SLC29A3: variants seen among roughly 807,000 people sequenced by gnomAD.
SLC29A3 encodes equilibrative nucleoside transporter 3.
In SLC29A3, 18 loss-of-function variants were observed where a neutral mutation model predicts 25.4. The ratio of observed to expected loss-of-function variants is 0.71; its 90% CI spans 0.49 to 1.05. SLC29A3 has a LOEUF of 1.05. Ranked by LOEUF, SLC29A3 falls within the 50% of genes least tolerant of loss-of-function variation. The pLI is 0.00. For synonymous variants in SLC29A3, 258 were observed against 267.1 expected, an observed-to-expected ratio of 0.97 and a Z score of 0.33; for missense variants, 586 against 609.0, an observed-to-expected ratio of 0.96 and a Z score of 0.40.
intron 2 of SLC29A3, among the ~76,000 whole-genome samples, chr10:71,332,177 C>A (rs1247048365): frequency 1.0e-5 from 1 of 95,368 alleles, no homozygotes; most frequent in African/African-American, 4.2e-5. Context: ...GAGACACATT[C>A]TTATTGTATC....
chr10:71,360,523 G>A (rs1297277755), intron 5 of SLC29A3, among the ~76,000 whole-genome samples: 5 of 152,214 alleles, frequency 3.3e-5, no homozygotes, highest in African/African-American at 1.2e-4. Context: ...GAACTAAACA[G>A]GTGCCTCTGG....
chr10:71,353,700 C>A (rs988330054), intron 4 of SLC29A3, among the ~76,000 whole-genome samples: 2 of 152,222 alleles, frequency 1.3e-5, no homozygotes, highest in African/African-American at 4.8e-5. Flanking sequence ...GGCCACAAGA[C>A]CACCTCGCCA....
chr10:71,325,563 C>A (rs529989553), intron 2 of SLC29A3, among the ~76,000 whole-genome samples: 1 of 152,332 alleles, frequency 6.6e-6, no homozygotes, highest in African/African-American at 2.4e-5. Flanking sequence ...CTCAACTCCC[C>A]CCATGATCTG....
chr10:71,357,910 A>G (rs1410102095), intron 5 of SLC29A3, among the ~76,000 whole-genome samples: 2 of 152,252 alleles, frequency 1.3e-5, no homozygotes, highest in African/African-American at 4.8e-5. Context: ...GTGAAGTGCC[A>G]GGTGCGTTAG....
chr10:71,366,671 C>T (rs554292258), downstream of SLC29A3, among the ~76,000 whole-genome samples: 95 of 152,308 alleles, frequency 6.2e-4, no homozygotes, highest in African/African-American at 2.0e-3. Context: ...GAGAAGACTT[C>T]GGCCTCTTCA....
chr10:71,338,497 C>T (rs932949305), intron 2 of SLC29A3, among the ~76,000 whole-genome samples: 2 of 152,162 alleles, frequency 1.3e-5, no homozygotes, highest in Admixed American at 6.5e-5. Flanking sequence ...TGGCTCAGCA[C>T]CTGTAATCCC....
At chr10:71,335,939 G>A (rs573531344) in intron 2 of SLC29A3, among the ~76,000 whole-genome samples, 1 of 152,266 alleles carries the variant, frequency 6.6e-6, no homozygotes, top group African/African-American at 2.4e-5. Flanking sequence ...GCCAGAGGTG[G>A]ACAGAGATGA....
At chr10:71,368,799 C>T (rs552239448) in intron 3 of SLC29A3, among the ~76,000 whole-genome samples, 1 of 152,320 alleles carries the variant, frequency 6.6e-6, no homozygotes, top group African/African-American at 2.4e-5. Flanking sequence ...TACTTCCTGG[C>T]TGTGTGACTG....
Position 71,322,810 on chromosome 10 carries a change from C to A in SLC29A3, c.56C>A (p.Thr19Asn), listed in dbSNP as rs1554814048. Residue 19 changes from threonine (T) to asparagine (N), a missense_variant, in exon 2 of 6, where the codon ACC (threonine) becomes AAC (asparagine). Physicochemically the swap from Thr to Asn is moderately conservative, Grantham distance 65. Transcript: ENST00000373189. ...CACAGTTCAAACTCCACCTACAGAACCACAAGCAGCAGTCTCCGAGCTGAC... is the reference window on the plus strand; with the variant it reads ...CACAGTTCAAACTCCACCTACAGAAACACAAGCAGCAGTCTCCGAGCTGAC... ...FQHSSNSTYR[T>N]TSSSLRADQE... The A allele has an allele frequency of 6.2e-7, 1 of 1,614,196 alleles. No individual in the cohort carries two copies. Among genetic ancestry groups the A allele is most frequent in the Non-Finnish European group, 8.5e-7 (1 of 1,180,038 alleles).
intron 5 of SLC29A3, among the ~76,000 whole-genome samples, chr10:71,358,980 G>A (rs1257685432): frequency 3.3e-5 from 5 of 152,066 alleles, no homozygotes; most frequent in Non-Finnish European, 7.4e-5. Context: ...GCACAATCAC[G>A]GCTCACGGCA....
chr10:71,346,312 C>A (rs567927513), intron 3 of SLC29A3, among the ~76,000 whole-genome samples: 17 of 152,164 alleles, frequency 1.1e-4, no homozygotes, highest in Non-Finnish European at 2.2e-4. Flanking sequence ...TTAACCCTCA[C>A]GGCAGCCTAA....
intron 2 of SLC29A3, among the ~76,000 whole-genome samples, chr10:71,329,267 G>A (rs575973749): frequency 9.2e-5 from 14 of 152,138 alleles, no homozygotes; most frequent in Admixed American, 5.2e-4. Context: ...ACCTTGGCAC[G>A]CTCAGCCCTG....
Position 71,362,374 on chromosome 10 carries a change from C to A in SLC29A3, c.1194C>A (p.Tyr398Ter), listed in dbSNP as rs760681166. ...TCCCCCTCTTCGTGCTCTGTAACTA[C>A]CAGCCCCGCGTCCACCTGAAGACTG... is the stretch of plus-strand genomic sequence containing the variant. ...CLIPLFVLCN[Y>*]QPRVHLKTVV... The change falls in exon 6 of 6, where the codon TAC (tyrosine) becomes TAA (stop). Residue 398 changes from tyrosine (Y) to a stop codon, truncating the protein, a stop_gained. Coordinates refer to ENST00000373189, the MANE Select transcript of SLC29A3 (RefSeq NM_018344.6). LOFTEE classifies it high-confidence loss of function. The A allele has an allele frequency of 1.2e-6, 2 of 1,614,164 alleles. No homozygotes were observed. The highest frequency in any genetic ancestry group is 1.7e-6 in the Non-Finnish European group (2 of 1,180,042).
chr10:71,354,878 A>G (rs886613516), intron 4 of SLC29A3, among the ~76,000 whole-genome samples: 3 of 152,198 alleles, frequency 2.0e-5, no homozygotes, highest in African/African-American at 7.2e-5. Flanking sequence ...CCCACTTTCC[A>G]GGCAAATAAA....
chr10:71,369,887 C>T (rs1219723037), intron 3 of SLC29A3, among the ~76,000 whole-genome samples: 2 of 152,236 alleles, frequency 1.3e-5, no homozygotes, highest in African/African-American at 4.8e-5. Flanking sequence ...CTTTCCTCTT[C>T]ACCCTGCTGC....
chr10:71,340,253 AC>A (rs1846365532), intron 2 of SLC29A3, among the ~76,000 whole-genome samples: 1 of 152,190 alleles, frequency 6.6e-6, no homozygotes, highest in Non-Finnish European at 1.5e-5. Context: ...TATAAGGCCC[AC>A]ATTGACCCCC....
chr10:71,351,105 G>A (rs1846744646), intron 3 of SLC29A3, among the ~76,000 whole-genome samples: 1 of 152,228 alleles, frequency 6.6e-6, no homozygotes, highest in Admixed American at 6.5e-5. Context: ...AGGAAGCTCA[G>A]TGGGTGGCTG....
chr10:71,376,195 C>T (rs531437485), intron 4 of SLC29A3, among the ~76,000 whole-genome samples: 2 of 152,336 alleles, frequency 1.3e-5, no homozygotes, highest in Admixed American at 1.3e-4. Flanking sequence ...CTGACCACAG[C>T]CACTCTTTGA....
At chr10:71,367,345 C>T (rs1847178561), downstream of SLC29A3, among the ~76,000 whole-genome samples, 1 of 152,176 alleles carries the variant, frequency 6.6e-6, no homozygotes, top group Admixed American at 6.5e-5. Flanking sequence ...CTTTAGAGGT[C>T]AGGAAGTCTT....
Sources: gnomAD v4.1 joint callset for allele counts (sites outside exome capture counted in the v4.1 genomes callset) on GRCh38, gnomAD v4.1.1 for gene constraint, MANE v1.5 for transcripts, NCBI Gene and HGNC (gene_info 2026-07-23, HGNC 2026-07-21) for gene names.